KCNB2: variants seen among roughly 807,000 people sequenced by gnomAD.
KCNB2 encodes delayed rectifier potassium channel protein.
In KCNB2, 15 loss-of-function variants were observed where a neutral mutation model predicts 61.5. The ratio of observed to expected loss-of-function variants is 0.24; its 90% CI spans 0.16 to 0.38. The LOEUF (loss-of-function observed/expected upper bound fraction) is 0.38, where lower values mean the gene tolerates loss of function less well. Among genes scored for constraint, KCNB2 ranks in the 10% least tolerant of loss-of-function variants. KCNB2 has a pLI of 1.00. For synonymous variants in KCNB2, 457 were observed against 446.0 expected, an observed-to-expected ratio of 1.02 and a Z score of -0.31; for missense variants, 828 against 1,125.2, an observed-to-expected ratio of 0.74 and a Z score of 3.78.
chr8:72,666,984 A>AGTGT (rs142689703), intron 2 of KCNB2, among the ~76,000 whole-genome samples: 23 of 148,698 alleles, frequency 1.5e-4, no homozygotes, highest in African/African-American at 3.0e-4. Context: ...TTTCCACATA[A>AGTGT]GTGTGTGTGT....
intron 2 of KCNB2, among the ~76,000 whole-genome samples, chr8:72,799,019 T>C (rs1359464795): frequency 6.6e-6 from 1 of 152,158 alleles, no homozygotes; most frequent in African/African-American, 2.4e-5. Context: ...CTGTGAAGTA[T>C]CTCAACGGGA....
chr8:72,795,671 A>C (rs1330204967), intron 2 of KCNB2, among the ~76,000 whole-genome samples: 4 of 152,182 alleles, frequency 2.6e-5, no homozygotes, highest in Non-Finnish European at 5.9e-5. Flanking sequence ...TCACCCTTCA[A>C]ATGTCCTAAA....
chr8:72,909,957 CACTTG>C (rs1454837165), intron 2 of KCNB2, among the ~76,000 whole-genome samples: 1 of 152,110 alleles, frequency 6.6e-6, no homozygotes, highest in Non-Finnish European at 1.5e-5. Context: ...ATTCAGCTGC[CACTTG>C]ACTTGACAGA....
intron 2 of KCNB2, among the ~76,000 whole-genome samples, chr8:72,610,058 TC>T (rs1805513620): frequency 6.6e-6 from 1 of 152,032 alleles, no homozygotes; most frequent in Admixed American, 6.6e-5. Context: ...TAATAATATT[TC>T]AAAAAAATTT....
intron 2 of KCNB2, among the ~76,000 whole-genome samples, chr8:72,916,510 C>T (rs1057192400): frequency 2.0e-5 from 3 of 152,182 alleles, no homozygotes; most frequent in African/African-American, 7.2e-5. Context: ...GTGTCTGTAA[C>T]CCCTGAAGCC....
At chr8:72,691,736 G>A (rs183434013) in intron 2 of KCNB2, among the ~76,000 whole-genome samples, 1 of 152,050 alleles carries the variant, frequency 6.6e-6, no homozygotes, top group Admixed American at 6.6e-5. Context: ...ATAGTTACAT[G>A]CTTCATTCTA....
chr8:72,604,252 C>A (rs1365404633), intron 2 of KCNB2, among the ~76,000 whole-genome samples: 1 of 152,150 alleles, frequency 6.6e-6, no homozygotes, highest in Non-Finnish European at 1.5e-5. Context: ...TAGAACACAA[C>A]CTATACACAA....
intron 2 of KCNB2, among the ~76,000 whole-genome samples, chr8:72,758,704 G>A (rs1439662043): frequency 6.6e-6 from 1 of 152,160 alleles, no homozygotes; most frequent in Non-Finnish European, 1.5e-5. Context: ...GGCAGATAGC[G>A]AGGTAGCTGA....
intron 2 of KCNB2, among the ~76,000 whole-genome samples, chr8:72,646,677 G>A (rs1001252958): frequency 4.6e-5 from 7 of 152,148 alleles, no homozygotes; most frequent in Non-Finnish European, 8.8e-5. Flanking sequence ...GTCTTGAGAA[G>A]GCAAATTCAT....
intron 2 of KCNB2, among the ~76,000 whole-genome samples, chr8:72,656,888 G>A (rs1189216889): frequency 6.6e-6 from 1 of 152,006 alleles, no homozygotes; most frequent in Non-Finnish European, 1.5e-5. Flanking sequence ...TCATTATCGG[G>A]CTACCAGAAA....
intron 2 of KCNB2, among the ~76,000 whole-genome samples, chr8:72,905,588 G>A (rs1365181672): frequency 2.0e-5 from 3 of 152,154 alleles, no homozygotes; most frequent in African/African-American, 2.4e-5. Flanking sequence ...GCAGCCGACT[G>A]CAGTCCTTCC....
intron 2 of KCNB2, among the ~76,000 whole-genome samples, chr8:72,635,716 T>C (rs1297352958): frequency 6.6e-6 from 1 of 152,200 alleles, no homozygotes; most frequent in Non-Finnish European, 1.5e-5. Flanking sequence ...AAACTTTGTT[T>C]GGTGTGTGGC....
chr8:72,911,107 A>C (rs1273447509), intron 2 of KCNB2, among the ~76,000 whole-genome samples: 1 of 152,230 alleles, frequency 6.6e-6, no homozygotes, highest in African/African-American at 2.4e-5. Flanking sequence ...TCTGCATTGC[A>C]TGTGTATTCA....
chr8:72,667,017 G>A (rs943389129), intron 2 of KCNB2, among the ~76,000 whole-genome samples: 4 of 151,822 alleles, frequency 2.6e-5, no homozygotes, highest in African/African-American at 9.7e-5. Flanking sequence ...GAGAGAGAGA[G>A]AGTGACAGAG....
intron 2 of KCNB2, among the ~76,000 whole-genome samples, chr8:72,841,287 G>T (rs1489187573): frequency 6.6e-6 from 1 of 150,744 alleles, no homozygotes; most frequent in African/African-American, 2.4e-5. Flanking sequence ...CCAGTACCAT[G>T]CTCTTTTGGT....
intron 2 of KCNB2, among the ~76,000 whole-genome samples, chr8:72,906,700 G>T (rs925057890): frequency 2.6e-5 from 4 of 152,140 alleles, no homozygotes; most frequent in Admixed American, 2.6e-4. Flanking sequence ...AGCAATGACT[G>T]CCTTGTCATT....
At chr8:72,862,852 A>G (rs1244444494) in intron 2 of KCNB2, among the ~76,000 whole-genome samples, 1 of 152,196 alleles carries the variant, frequency 6.6e-6, no homozygotes. Context: ...TGGCAGCTTT[A>G]CAGGTAACTG....
intron 2 of KCNB2, among the ~76,000 whole-genome samples, chr8:72,597,589 A>G (rs1378564403): frequency 6.6e-6 from 1 of 152,194 alleles, no homozygotes; most frequent in Non-Finnish European, 1.5e-5. Flanking sequence ...ATCTATCCCA[A>G]CTTCTTGAAA....
chr8:72,652,804 T>C (rs904746896), intron 2 of KCNB2, among the ~76,000 whole-genome samples: 4 of 152,168 alleles, frequency 2.6e-5, no homozygotes, highest in South Asian at 2.1e-4. Flanking sequence ...TTTTAATCTG[T>C]GTTACTTTCC....
Sources: allele counts gnomAD v4.1 joint callset (sites outside exome capture counted in the v4.1 genomes callset), GRCh38; gene constraint gnomAD v4.1.1; transcripts MANE v1.5; gene names NCBI Gene and HGNC (gene_info 2026-07-23, HGNC 2026-07-21).